The following TRIOBP variants were observed in gnomAD, a reference collection of about 807,000 sequenced individuals.
TRIOBP encodes the protein TRIO and F-actin-binding protein.
Under a neutral mutation model 238.8 loss-of-function variants are expected in TRIOBP, and 169 were observed. The ratio of observed to expected loss-of-function variants is 0.71; its 90% CI spans 0.62 to 0.80. The LOEUF is 0.80. TRIOBP is among the 30% of genes least tolerant of loss of function. The pLI is 0.00. For synonymous variants in TRIOBP, 1,150 were observed against 1,274.4 expected (o/e 0.90, Z 2.08); for missense variants, 2,838 against 3,122.6 (o/e 0.91, Z 2.17).
At chr22:37,755,278 A>G (rs767656828) in intron 14 of TRIOBP, 88 bp downstream of exon 14, 90 of 1,338,838 alleles carry the variant, frequency 6.7e-5, no homozygotes, top group Non-Finnish European at 8.6e-5. Context: ...ATGGCTCACC[A>G]TGGAGACTGG....
Position 37,725,011 on chromosome 22 carries a change from A to G in TRIOBP, c.2455A>G (p.Ile819Val), listed in dbSNP as rs1272991898. Residue 819 changes from isoleucine to valine, a missense_variant, in exon 7 of 24, where the codon ATT (isoleucine) becomes GTT (valine). Transcript: ENST00000644935. ...ATQQDNPRTC[I>V]QQNIPRSSST... Reference sequence around the variant, plus strand: ...CCAACAGGACAACCCCAGAACTTGTATTCAACAGAACATCCCCAGATCATC... The same window carrying G: ...CCAACAGGACAACCCCAGAACTTGTGTTCAACAGAACATCCCCAGATCATC... 1 of 1,614,092 alleles carries G rather than the reference A, an allele frequency of 6.2e-7. No individual in the cohort carries two copies. Among genetic ancestry groups the G allele is most frequent in the Admixed American group, 1.7e-5 (1 of 60,024 alleles).
intron 10 of TRIOBP, among the ~76,000 whole-genome samples, chr22:37,739,042 C>T (rs963107040): frequency 6.6e-6 from 1 of 152,078 alleles, no homozygotes; most frequent in African/African-American, 2.4e-5. Flanking sequence ...GAGATCCTTC[C>T]GGTTTGAAAG....
chr22:37,738,869 A>AT, intron 10 of TRIOBP, 150 bp downstream of exon 10: 3 of 872,752 alleles, frequency 3.4e-6, no homozygotes, highest in East Asian at 2.7e-5. Flanking sequence ...TGGGGCCTTA[A>AT]GAAGAGGGGC....
Position 37,725,722 on chromosome 22 carries a change from C to T in TRIOBP, c.3166C>T (p.Pro1056Ser), listed in dbSNP as rs1364687252. The T allele has an allele frequency of 1.2e-6, 2 of 1,613,506 alleles. No individual in the cohort carries two copies. Among genetic ancestry groups the T allele is most frequent in the South Asian group, 1.1e-5 (1 of 91,044 alleles). The change falls in exon 7 of 24, where the codon CCT becomes TCT. Residue 1056 changes from proline (P) to serine (S), a missense_variant. Physicochemically the swap from Pro to Ser is moderately conservative, Grantham distance 74. Coordinates refer to ENST00000644935, the MANE Select transcript of TRIOBP (RefSeq NM_001039141.3). ...APESEPPHHE[P>S]PYIPPAVCIG... ...TGAGAGTGAACCGCCCCACCACGAG[C>T]CTCCCTATATACCACCTGCTGTGTG...
chr22:37,723,781 C>A lies in TRIOBP; in HGVS notation c.1225C>A (p.Arg409=). The A allele has an allele frequency of 7.1e-7, 1 of 1,417,804 alleles. No individual in the cohort carries two copies. The highest frequency in any genetic ancestry group is 1.2e-5 in the South Asian group (1 of 85,588). 87.8% of individuals were successfully genotyped at this position (1,417,804 alleles called of 1,614,324 possible). A position where few individuals can be genotyped will look rare whatever the true frequency, so the allele number is the denominator to read the frequency against. ...RENSRTSCAQ[R]DNPKASRTSS... ...GAATTCCAGAACATCCTGTGCCCAG[C>A]GGGACAATCCCAAAGCCTCCAGAAC... Residue 409 remains arginine (R), a synonymous_variant, in exon 7 of 24, where the codon CGG becomes AGG. Coordinates refer to ENST00000644935, the MANE Select transcript of TRIOBP (RefSeq NM_001039141.3).
rs2145822002 is a variant in TRIOBP at position 37,713,290 on chromosome 22, T to G, written c.335T>G (p.Val112Gly). ...AGCAGGAGCCGGGAGCTTGAGGCAG[T>G]ACCCTATCTGGAGGGCCTGACCACT... ...PRSRSRELEA[V>G]PYLEGLTTSL... The change falls in exon 5 of 24, where the codon GTA becomes GGA. Residue 112 changes from valine to glycine, a missense_variant. Physicochemically the swap from Val to Gly is moderately radical, Grantham distance 109. Around this residue, in one of 5 missense-constraint regions of TRIOBP, gnomAD observed 535 missense variants for 537.3 expected, o/e 1.00. Transcript: ENST00000644935. 6.2e-7 allele frequency: 1 copy of G among 1,613,978 alleles called. No individual in the cohort carries two copies. The highest frequency in any genetic ancestry group is 1.1e-5 in the South Asian group (1 of 91,086).
chr22:37,745,119 C>G (rs1925155339), intron 11 of TRIOBP, among the ~76,000 whole-genome samples: 1 of 152,176 alleles, frequency 6.6e-6, no homozygotes, highest in African/African-American at 2.4e-5. Context: ...CCACCTCAGC[C>G]TCCCAAAGTG....
Position 37,755,109 on chromosome 22 carries a change from G to A in TRIOBP, c.5496G>A (p.Glu1832=). The A allele has an allele frequency of 6.2e-7, 1 of 1,613,690 alleles. No individual in the cohort carries two copies. The highest frequency in any genetic ancestry group is 1.6e-4 in the Middle Eastern group (1 of 6,062). Residue 1832 remains glutamate, a synonymous_variant, in exon 14 of 24, where the codon GAG becomes GAA. Coordinates refer to ENST00000644935, the MANE Select transcript of TRIOBP (RefSeq NM_001039141.3). ...YRDSTAEEAD[E]LDGEIDLRSC... ...GGGCCCTCTTGCTCCAGGCAGATGA[G>A]CTGGATGGTGAGATCGACCTGCGTT...
intron 6 of TRIOBP, among the ~76,000 whole-genome samples, chr22:37,717,222 A>G (rs975040113): frequency 5.3e-5 from 8 of 152,058 alleles, no homozygotes; most frequent in Non-Finnish European, 1.5e-5. Flanking sequence ...CTGTGGGTTC[A>G]TGGTCTGGAT....
At chr22:37,755,478 C>G (rs1925868727) in intron 14 of TRIOBP, 72 bp from the exon 15 acceptor site, 1 of 1,404,180 alleles carries the variant, frequency 7.1e-7, no homozygotes, top group African/African-American at 1.4e-5. Flanking sequence ...GGCCACCCTC[C>G]CTGGGGTCCA....
At chr22:37,758,601 G>A (rs778725702) in intron 16 of TRIOBP, among the ~76,000 whole-genome samples, 12 of 152,124 alleles carry the variant, frequency 7.9e-5, no homozygotes, top group Non-Finnish European at 1.3e-4. Flanking sequence ...GCTGGAGCCC[G>A]GGAGGCAGAG....
Position 37,758,123 on chromosome 22 carries a change from G to A in TRIOBP, c.6198G>A (p.Glu2066=), listed in dbSNP as rs1437148225. The A allele has an allele frequency of 1.9e-6, 3 of 1,610,908 alleles. No individual in the cohort carries two copies. The highest frequency in any genetic ancestry group is 2.5e-6 in the Non-Finnish European group (3 of 1,179,930). Residue 2066 remains glutamate, a synonymous_variant, in exon 16 of 24, where the codon GAG becomes GAA. Coordinates refer to ENST00000644935, the MANE Select transcript of TRIOBP (RefSeq NM_001039141.3). ...GAGGGCCCCCAAGTGACGGCCACGA[G>A]GCACTGGAGAAGGAGGTAGGCACCA... is the stretch of plus-strand genomic sequence containing the variant. ...ERRGPPSDGH[E]ALEKEVQALR... is the part of the protein sequence containing the mutation.
chr22:37,741,026 G>A lies in TRIOBP; in HGVS notation c.5316G>A (p.Trp1772Ter). 1 of 1,562,768 alleles carries A rather than the reference G, an allele frequency of 6.4e-7. No homozygotes were observed. Reference protein sequence around the residue: ...PFLLSLGVLRWRRPDLLNFKK... With the variant: ...PFLLSLGVLR ...TGCTGTCTCTGGGGGTCCTCAGGTG[G>A]CGAAGGGTAGGCTGGCTCCAGTGGG... The change falls in exon 11 of 24, where the codon TGG becomes TGA. Residue 1772 changes from tryptophan to a stop codon, truncating the protein, a stop_gained. Coordinates refer to ENST00000644935, the MANE Select transcript of TRIOBP (RefSeq NM_001039141.3). LOFTEE classifies it high-confidence loss of function.
intron 19 of TRIOBP, 88 bp from the exon 20 acceptor site, chr22:37,768,940 C>T: frequency 1.3e-6 from 2 of 1,595,558 alleles, no homozygotes; most frequent in Non-Finnish European, 1.7e-6. Context: ...CCCCAGAGTC[C>T]TGGGATGCTT....
At position 37,759,273 on chromosome 22, in the gene TRIOBP, G is replaced by A. The variant is rs376601715; in HGVS notation, c.6324+9G>A. Reference sequence around the variant, plus strand: ...CGGGCTACATCTCACAGGTAAGGCCGGGGGGCTGTTTTTCAGGGGGAGGGG... The same window carrying A: ...CGGGCTACATCTCACAGGTAAGGCCAGGGGGCTGTTTTTCAGGGGGAGGGG... On this transcript the variant is annotated intron_variant, in intron 17 of 23. Coordinates refer to ENST00000644935, the MANE Select transcript of TRIOBP (RefSeq NM_001039141.3). The A allele has an allele frequency of 2.5e-4, 395 of 1,609,908 alleles. No homozygotes were observed. The highest frequency in any genetic ancestry group is 3.1e-4 in the Non-Finnish European group (367 of 1,177,174).
intron 1 of TRIOBP, 33 bp downstream of exon 1, chr22:37,697,122 T>C (rs1569028545): frequency 6.6e-6 from 1 of 151,778 alleles, no homozygotes; most frequent in African/African-American, 2.4e-5. Flanking sequence ...GAGGAGCTGG[T>C]AGGGGGAGGC....
At chr22:37,763,065 C>T (rs1347389441) in intron 17 of TRIOBP, among the ~76,000 whole-genome samples, 1 of 152,178 alleles carries the variant, frequency 6.6e-6, no homozygotes, top group East Asian at 1.9e-4. Context: ...TGTTCGTCAG[C>T]TGAGTCCCAC....
Position 37,701,882 on chromosome 22 carries a change from C to T in TRIOBP, c.114+403C>T, listed in dbSNP as rs192215324. Among the ~76,000 whole-genome samples the T allele has an allele frequency of 3.9e-3, 600 of 152,252 alleles. 2 individuals carry two copies. Among genetic ancestry groups the T allele is most frequent in the African/African-American group, 0.013 (552 of 41,566 alleles). On this transcript the variant is annotated intron_variant, in intron 3 of 23. Coordinates refer to ENST00000644935, the MANE Select transcript of TRIOBP (RefSeq NM_001039141.3). ...GTGGCTCACGCCTGTAATCCCAGCA[C>T]TTTGGGAGGCCGAGGTGGGTGGATC...
At chr22:37,699,649 C>G (rs954797937) in intron 2 of TRIOBP, among the ~76,000 whole-genome samples, 2 of 152,066 alleles carry the variant, frequency 1.3e-5, no homozygotes, top group Admixed American at 1.3e-4. Flanking sequence ...TCAAGTGATT[C>G]TCCTGCCTCA....
Sources: allele counts gnomAD v4.1 joint callset (sites outside exome capture counted in the v4.1 genomes callset), GRCh38; gene constraint gnomAD v4.1.1; regional missense constraint gnomAD v4.1.1; transcripts MANE v1.5; gene names NCBI Gene and HGNC (gene_info 2026-07-23, HGNC 2026-07-21).